FSD1L: variants seen among roughly 807,000 people sequenced by gnomAD.
The protein encoded by FSD1L is FSD1-like protein.
Under a neutral mutation model 71.6 loss-of-function variants are expected in FSD1L, and 45 were observed. That is an observed-to-expected ratio of 0.63 (90% CI 0.49 to 0.81). The LOEUF is 0.81. FSD1L is among the 30% of genes least tolerant of loss of function. FSD1L has a pLI of 0.00. For synonymous variants in FSD1L, 197 were observed against 207.2 expected (o/e 0.95, Z 0.42); for missense variants, 561 against 618.1 (o/e 0.91, Z 0.98).
chr9:105,505,172 G>T (rs1410299040), intron 7 of FSD1L, among the ~76,000 whole-genome samples: 3 of 152,108 alleles, frequency 2.0e-5, no homozygotes, highest in Admixed American at 6.6e-5. Flanking sequence ...GTTCCTTTCT[G>T]TTCCGCTTAT....
chr9:105,522,150 C>G, intron 10 of FSD1L: 1 of 1,613,982 alleles, frequency 6.2e-7, no homozygotes, highest in South Asian at 1.1e-5. Context: ...CAAAGCAAAC[C>G]TAAATGTGTA....
At chr9:105,490,467 C>T (rs867629160) in intron 7 of FSD1L, among the ~76,000 whole-genome samples, 1 of 151,988 alleles carries the variant, frequency 6.6e-6, no homozygotes, top group Non-Finnish European at 1.5e-5. Flanking sequence ...CCTGTTCACT[C>T]TGATGGTAGT....
At chr9:105,463,095 G>A (rs1168804429) in intron 2 of FSD1L, among the ~76,000 whole-genome samples, 4 of 151,264 alleles carry the variant, frequency 2.6e-5, no homozygotes, top group Admixed American at 1.3e-4. Flanking sequence ...CCGAGATCAC[G>A]CCATTGCACT....
chr9:105,448,324 C>A, intron 1 of FSD1L, 89 bp downstream of exon 1: 1 of 1,181,092 alleles, frequency 8.5e-7, no homozygotes, highest in Non-Finnish European at 1.1e-6. Flanking sequence ...GCTGTGGGTG[C>A]GCGGGGTGGG....
intron 13 of FSD1L, among the ~76,000 whole-genome samples, chr9:105,540,680 T>C (rs1379430623): frequency 6.6e-6 from 1 of 152,120 alleles, no homozygotes; most frequent in Non-Finnish European, 1.5e-5. Context: ...TAGTGCAGTG[T>C]CATCTTTGTA....
chr9:105,445,986 T>G (rs1164614117), upstream of FSD1L, among the ~76,000 whole-genome samples: 1 of 152,232 alleles, frequency 6.6e-6, no homozygotes, highest in African/African-American at 2.4e-5. Context: ...TTCCCTTTTG[T>G]AACTTTCATT....
upstream of FSD1L, among the ~76,000 whole-genome samples, chr9:105,443,125 A>G (rs568378964): frequency 1.3e-5 from 2 of 152,310 alleles, no homozygotes; most frequent in South Asian, 2.1e-4. Context: ...TCAAGTAGAG[A>G]GCGCCAGCCC....
At chr9:105,447,324 CA>C (rs35514046), upstream of FSD1L, among the ~76,000 whole-genome samples, 391 of 61,556 alleles carry the variant, frequency 6.4e-3, no homozygotes, top group Non-Finnish European at 8.8e-3. Context: ...ACTCCATCTC[CA>C]AAAAAAAAAA....
At chr9:105,496,227 G>A (rs571279977) in intron 7 of FSD1L, among the ~76,000 whole-genome samples, 22 of 120,900 alleles carry the variant, frequency 1.8e-4, no homozygotes, top group Admixed American at 1.7e-3. Flanking sequence ...TTTTTGTGTC[G>A]GAATCTCGCT....
chr9:105,499,669 G>A (rs1421781029), intron 7 of FSD1L, among the ~76,000 whole-genome samples: 1 of 151,194 alleles, frequency 6.6e-6, no homozygotes, highest in Non-Finnish European at 1.5e-5. Flanking sequence ...GTATGGCAGG[G>A]AGCATTTATT....
Position 105,517,285 on chromosome 9 carries a change from G to T in FSD1L, c.1025+4349G>T, listed in dbSNP as rs550437820. 3.9e-5 allele frequency among the ~76,000 whole-genome samples: 6 copies of T among 152,292 alleles called. No individual in the cohort carries two copies. The East Asian group carries it at 1.2e-3, about 29-fold the overall frequency. On this transcript the variant is annotated intron_variant, in intron 10 of 13. Transcript: ENST00000481272. ...TATCGAGGAGAACTTCCCCAACCTA[G>T]CAAGACAGGCCAACATTCAAATTCA...
At chr9:105,459,690 T>C (rs781433649) in intron 1 of FSD1L, among the ~76,000 whole-genome samples, 3 of 152,208 alleles carry the variant, frequency 2.0e-5, no homozygotes, top group Non-Finnish European at 4.4e-5. Context: ...CTCTTTATGA[T>C]CTGAATGGTT....
At chr9:105,449,803 GC>G (rs1377752368) in intron 1 of FSD1L, among the ~76,000 whole-genome samples, 2 of 116,554 alleles carry the variant, frequency 1.7e-5, no homozygotes, top group African/African-American at 7.2e-5. Flanking sequence ...GGAAGGTCAT[GC>G]TACTAGCCCT....
chr9:105,508,930 A>T (rs1834234791), intron 9 of FSD1L, among the ~76,000 whole-genome samples: 1 of 152,236 alleles, frequency 6.6e-6, no homozygotes, highest in South Asian at 2.1e-4. Context: ...CAGATAAAAT[A>T]GACTGAGATG....
chr9:105,451,759 C>G (rs776124411), intron 1 of FSD1L, among the ~76,000 whole-genome samples: 2 of 152,112 alleles, frequency 1.3e-5, no homozygotes, highest in African/African-American at 4.8e-5. Context: ...GTTTCTTTAC[C>G]GGATGAAATG....
chr9:105,492,987 G>A (rs1334954892), intron 7 of FSD1L, among the ~76,000 whole-genome samples: 1 of 152,168 alleles, frequency 6.6e-6, no homozygotes, highest in Non-Finnish European at 1.5e-5. Context: ...TTGATTTGGG[G>A]TGGAGAGTTC....
intron 10 of FSD1L, chr9:105,530,680 T>G: frequency 1.7e-6 from 1 of 584,980 alleles, no homozygotes; most frequent in Non-Finnish European, 3.1e-6. Context: ...GCAGACACTC[T>G]GACCACCAGT....
At chr9:105,532,604 T>C (rs889415800) in intron 10 of FSD1L, among the ~76,000 whole-genome samples, 1 of 152,218 alleles carries the variant, frequency 6.6e-6, no homozygotes, top group African/African-American at 2.4e-5. Flanking sequence ...CCGTACCCAA[T>C]AGCAAGAAAC....
At chr9:105,450,534 C>CTTTTTTTTTTTTTTTTTTTTTTTTT (rs35115121) in intron 1 of FSD1L, among the ~76,000 whole-genome samples, 4 of 137,946 alleles carry the variant, frequency 2.9e-5, no homozygotes, top group African/African-American at 1.1e-4. Flanking sequence ...GGATTGTGTT[C>CTTTTTTTTTTTTTTTTTTTTTTTTT]TTTTTTTTTT....
Sources: gnomAD v4.1 joint callset for allele counts (sites outside exome capture counted in the v4.1 genomes callset) on GRCh38, gnomAD v4.1.1 for gene constraint, MANE v1.5 for transcripts, NCBI Gene and HGNC (gene_info 2026-07-23, HGNC 2026-07-21) for gene names.